LUZP2: variants seen among roughly 807,000 people sequenced by gnomAD.
LUZP2 encodes leucine zipper protein 2.
A neutral mutation model predicts 51.6 loss-of-function variants in LUZP2; 52 were observed. The observed-to-expected ratio is 1.01, with a 90% CI of 0.81 to 1.27. The LOEUF is 1.27. Among genes scored for constraint, LUZP2 ranks in the 50% most tolerant of loss-of-function variants. The pLI is 0.00. For missense variants in LUZP2, 436 were observed against 395.4 expected (o/e 1.10, Z -0.87); for synonymous variants, 154 against 137.3 (o/e 1.12, Z -0.85).
At chr11:24,656,209 A>G (rs915346587) in intron 1 of LUZP2, among the ~76,000 whole-genome samples, 5 of 152,190 alleles carry the variant, frequency 3.3e-5, no homozygotes, top group African/African-American at 1.2e-4. Context: ...GGACAAATAC[A>G]TTGTCAAGTA....
At chr11:24,497,334 G>C in intron 1 of LUZP2, 29 bp downstream of exon 1, 1 of 1,475,736 alleles carries the variant, frequency 6.8e-7, no homozygotes, top group Non-Finnish European at 9.1e-7. Context: ...GTGACCTGAG[G>C]CCAGGGGCGC....
chr11:24,744,321 G>T (rs996952075), intron 4 of LUZP2, among the ~76,000 whole-genome samples: 1 of 152,118 alleles, frequency 6.6e-6, no homozygotes, highest in African/African-American at 2.4e-5. Context: ...GTGGAATTCT[G>T]CTGTGAATCC....
chr11:24,625,073 A>G (rs1305551174), intron 1 of LUZP2, among the ~76,000 whole-genome samples: 1 of 152,156 alleles, frequency 6.6e-6, no homozygotes, highest in Non-Finnish European at 1.5e-5. Context: ...TGCCGAGTGA[A>G]TTAAGCCAGA....
intron 5 of LUZP2, among the ~76,000 whole-genome samples, chr11:24,895,709 TAG>T (rs1423762604): frequency 6.6e-6 from 1 of 152,222 alleles, no homozygotes; most frequent in East Asian, 1.9e-4. Flanking sequence ...TAGGGTTGCA[TAG>T]TATTCCATGG....
At chr11:25,033,172 G>A (rs908897154) in intron 9 of LUZP2, among the ~76,000 whole-genome samples, 2 of 152,168 alleles carry the variant, frequency 1.3e-5, no homozygotes, top group African/African-American at 4.8e-5. Context: ...AATGGTGCAT[G>A]TGTTTTCTCC....
intron 1 of LUZP2, among the ~76,000 whole-genome samples, chr11:24,607,053 A>C (rs2133878420): frequency 6.6e-6 from 1 of 151,998 alleles, no homozygotes; most frequent in Non-Finnish European, 1.5e-5. Flanking sequence ...TTAATCTCTT[A>C]TCAGTTAAAT....
chr11:24,888,338 T>C (rs1371875326), intron 5 of LUZP2, among the ~76,000 whole-genome samples: 2 of 152,290 alleles, frequency 1.3e-5, no homozygotes, highest in East Asian at 3.9e-4. Context: ...TGGGTATGAT[T>C]ATATTCCAAT....
intron 1 of LUZP2, among the ~76,000 whole-genome samples, chr11:24,711,356 A>G (rs1161848596): frequency 6.6e-6 from 1 of 152,132 alleles, no homozygotes; most frequent in Non-Finnish European, 1.5e-5. Flanking sequence ...AGGCTGAGGC[A>G]GGAGAATGGC....
intron 7 of LUZP2, among the ~76,000 whole-genome samples, chr11:24,945,175 C>A (rs1348984744): frequency 6.6e-6 from 1 of 152,136 alleles, no homozygotes; most frequent in African/African-American, 2.4e-5. Context: ...TGTCAAAATG[C>A]ATCCTTTCCG....
At chr11:24,790,527 A>T (rs767720804) in intron 5 of LUZP2, among the ~76,000 whole-genome samples, 3 of 151,508 alleles carry the variant, frequency 2.0e-5, no homozygotes, top group Non-Finnish European at 2.9e-5. Flanking sequence ...TCTGAGACAG[A>T]TTATTGCTCT....
chr11:24,938,535 T>C (rs2133845585), intron 7 of LUZP2, among the ~76,000 whole-genome samples: 1 of 151,940 alleles, frequency 6.6e-6, no homozygotes, highest in African/African-American at 2.4e-5. Context: ...CATTAAAATA[T>C]GTAAAATCTA....
chr11:24,865,171 A>G (rs975746453), intron 5 of LUZP2, among the ~76,000 whole-genome samples: 7 of 152,212 alleles, frequency 4.6e-5, no homozygotes, highest in African/African-American at 1.4e-4. Context: ...CAGCTGTGCC[A>G]TGTACTACTT....
chr11:24,896,719 G>A (rs1853073304), intron 5 of LUZP2, among the ~76,000 whole-genome samples: 1 of 152,248 alleles, frequency 6.6e-6, no homozygotes, highest in Non-Finnish European at 1.5e-5. Context: ...CTCCACCGGT[G>A]GCCCCGGCAC....
At chr11:24,673,660 G>A (rs940544938) in intron 1 of LUZP2, among the ~76,000 whole-genome samples, 1 of 152,134 alleles carries the variant, frequency 6.6e-6, no homozygotes, top group African/African-American at 2.4e-5. Flanking sequence ...TATTTGTTGG[G>A]GGAGCCTGTC....
chr11:24,967,851 A>T (rs1855632744), intron 7 of LUZP2, among the ~76,000 whole-genome samples: 1 of 152,112 alleles, frequency 6.6e-6, no homozygotes, highest in South Asian at 2.1e-4. Flanking sequence ...CTATCTAGAT[A>T]TTGGTTATCA....
intron 1 of LUZP2, among the ~76,000 whole-genome samples, chr11:24,569,137 A>C (rs1852343131): frequency 6.6e-6 from 1 of 152,088 alleles, no homozygotes; most frequent in South Asian, 2.1e-4. Flanking sequence ...AAAATATTCA[A>C]CCTTATGCTT....
intron 7 of LUZP2, among the ~76,000 whole-genome samples, chr11:24,954,282 G>A (rs548553660): frequency 4.1e-4 from 63 of 152,152 alleles, no homozygotes; most frequent in East Asian, 1.9e-4. Flanking sequence ...TCCCTATCTC[G>A]CAGGAGGTTG....
chr11:24,976,518 A>G (rs1855884892), intron 7 of LUZP2, 73 bp from the exon 8 acceptor site: 3 of 907,718 alleles, frequency 3.3e-6, no homozygotes, highest in Non-Finnish European at 3.3e-6. Context: ...TTCTTTGGCA[A>G]TATATGACAG....
intron 1 of LUZP2, 38 bp downstream of exon 1, chr11:24,497,343 G>T: frequency 6.9e-7 from 1 of 1,445,950 alleles, no homozygotes; most frequent in South Asian, 1.4e-5. Context: ...GGCCAGGGGC[G>T]CTGCCGGGGC....
Sources: gnomAD v4.1 joint callset for allele counts (sites outside exome capture counted in the v4.1 genomes callset) on GRCh38, gnomAD v4.1.1 for gene constraint, MANE v1.5 for transcripts, NCBI Gene and HGNC (gene_info 2026-07-23, HGNC 2026-07-21) for gene names.